OPCML: variants seen among roughly 807,000 people sequenced by gnomAD.
The protein encoded by OPCML is opioid binding protein/cell adhesion molecule like.
Under a neutral mutation model 37.8 loss-of-function variants are expected in OPCML, and 13 were observed. The observed-to-expected ratio is 0.34, with a 90% CI of 0.22 to 0.55. The LOEUF is 0.55. OPCML is among the 20% of genes least tolerant of loss of function. The pLI, the probability that OPCML is intolerant of heterozygous loss-of-function variation, is 0.91. For missense variants in OPCML, 341 were observed against 435.6 expected, an observed-to-expected ratio of 0.78 and a Z score of 1.93; for synonymous variants, 176 against 168.8, an observed-to-expected ratio of 1.04 and a Z score of -0.33.
At chr11:133,510,748 T>C (rs1235342931) in intron 1 of OPCML, among the ~76,000 whole-genome samples, 1 of 152,188 alleles carries the variant, frequency 6.6e-6, no homozygotes, top group Non-Finnish European at 1.5e-5. Context: ...TGCCTCCATG[T>C]AATCATCTCC....
In OPCML at chr11:133,028,138, CTTTTT is replaced by C. The variant is rs1273947562; in HGVS notation, c.62-85133_62-85129del. Among the ~76,000 whole-genome samples, 3 of 152,030 alleles carry C rather than the reference CTTTTT, an allele frequency of 2.0e-5. No individual in the cohort carries two copies. In the East Asian group the frequency reaches 5.8e-4, roughly 29 times the overall value. The stretch of plus-strand genomic sequence containing the variant: ...CAGTAACCTTTATTTTTATTTCTTT[CTTTTT>C]ATTTTCTGCCACTTGTCCCTCTGCA... On this transcript the variant is annotated intron_variant, in intron 1 of 7. Coordinates refer to ENST00000524381, the MANE Select transcript of OPCML (RefSeq NM_001012393.5).
intron 3 of OPCML, among the ~76,000 whole-genome samples, chr11:132,534,973 T>C (rs962066142): frequency 2.0e-5 from 3 of 151,036 alleles, no homozygotes; most frequent in African/African-American, 7.3e-5. Flanking sequence ...TTGGGACTTA[T>C]AAATAAATAA....
intron 1 of OPCML, among the ~76,000 whole-genome samples, chr11:133,337,028 G>C (rs149807123): frequency 9.9e-5 from 15 of 152,270 alleles, no homozygotes; most frequent in Middle Eastern, 6.8e-3. Context: ...ATGCAGAATG[G>C]CCTCACACAG....
At chr11:133,197,486 G>A (rs971209563) in intron 1 of OPCML, among the ~76,000 whole-genome samples, 2 of 152,170 alleles carry the variant, frequency 1.3e-5, no homozygotes, top group African/African-American at 4.8e-5. Flanking sequence ...TGCTAAGCCT[G>A]CTAGTGTGGA....
chr11:133,388,640 G>C (rs1037693143), intron 1 of OPCML, among the ~76,000 whole-genome samples: 2 of 152,206 alleles, frequency 1.3e-5, no homozygotes, highest in African/African-American at 4.8e-5. Flanking sequence ...GTTTCTTCTA[G>C]AGAGAGTATA....
At chr11:132,429,178 C>G (rs978737423) in intron 7 of OPCML, among the ~76,000 whole-genome samples, 3 of 152,108 alleles carry the variant, frequency 2.0e-5, no homozygotes, top group Non-Finnish European at 4.4e-5. Context: ...ACACTTGAAG[C>G]TATAAGGCTA....
chr11:132,622,614 G>A (rs978253771), intron 3 of OPCML, among the ~76,000 whole-genome samples: 2 of 152,108 alleles, frequency 1.3e-5, no homozygotes, highest in Non-Finnish European at 2.9e-5. Flanking sequence ...GGCCAGCCCT[G>A]GAAGTCCAGT....
At chr11:133,125,607 T>C (rs1351573580) in intron 1 of OPCML, among the ~76,000 whole-genome samples, 1 of 147,482 alleles carries the variant, frequency 6.8e-6, no homozygotes, top group Admixed American at 6.9e-5. Context: ...TGTGTATATA[T>C]ACACTATATG....
rs111349629 is a variant in OPCML at position 133,061,159 on chromosome 11, C to T, written c.62-118149G>A. Among the ~76,000 whole-genome samples the T allele has an allele frequency of 5.6e-3, 860 of 152,304 alleles. 19 individuals are homozygous for T. Among genetic ancestry groups the T allele is most frequent in the African/African-American group, 0.02 (833 of 41,552 alleles). On this transcript the variant is annotated intron_variant, in intron 1 of 7. Coordinates refer to ENST00000524381, the MANE Select transcript of OPCML (RefSeq NM_001012393.5). ...AGGATTACAAGAGTGTATCACCACA[C>T]CCAAGAAGAATGACAGTTTTGTTTG...
intron 3 of OPCML, among the ~76,000 whole-genome samples, chr11:132,638,988 C>T (rs1940688903): frequency 6.6e-6 from 1 of 152,174 alleles, no homozygotes; most frequent in African/African-American, 2.4e-5. Context: ...TGTTGGGTGA[C>T]TACAGATACT....
chr11:132,572,502 T>G (rs1203908045), intron 3 of OPCML, among the ~76,000 whole-genome samples: 2 of 152,112 alleles, frequency 1.3e-5, no homozygotes, highest in Non-Finnish European at 2.9e-5. Flanking sequence ...CCTTGATAGA[T>G]AAGAGTGTCC....
At chr11:132,453,247 A>G (rs533383965) in intron 4 of OPCML, among the ~76,000 whole-genome samples, 1 of 152,268 alleles carries the variant, frequency 6.6e-6, no homozygotes, top group African/African-American at 2.4e-5. Flanking sequence ...TTTGGTCTTT[A>G]TGGCTGAGGT....
At chr11:132,722,645 G>A (rs780783070) in intron 2 of OPCML, among the ~76,000 whole-genome samples, 2 of 152,030 alleles carry the variant, frequency 1.3e-5, no homozygotes, top group Non-Finnish European at 2.9e-5. Context: ...GATATGCTTG[G>A]TTTTTATGGT....
intron 1 of OPCML, among the ~76,000 whole-genome samples, chr11:133,001,519 C>A (rs1384534670): frequency 6.6e-6 from 1 of 152,210 alleles, no homozygotes; most frequent in African/African-American, 2.4e-5. Context: ...GAACTATAGC[C>A]ATAGTCCAGG....
intron 4 of OPCML, among the ~76,000 whole-genome samples, chr11:132,440,053 C>T (rs1250869130): frequency 6.6e-6 from 1 of 152,100 alleles, no homozygotes; most frequent in Non-Finnish European, 1.5e-5. Flanking sequence ...TGGGGAGGCC[C>T]GTGTGCATTT....
At chr11:133,371,080 C>G (rs1470139361) in intron 1 of OPCML, among the ~76,000 whole-genome samples, 8 of 152,120 alleles carry the variant, frequency 5.3e-5, no homozygotes, top group Admixed American at 5.2e-4. Flanking sequence ...TGCTCAACAT[C>G]ATTTATCATG....
intron 3 of OPCML, among the ~76,000 whole-genome samples, chr11:132,629,151 A>AGCCCAACCTGGTGCTTCCCT (rs1288301709): frequency 6.6e-6 from 1 of 152,074 alleles, no homozygotes; most frequent in Non-Finnish European, 1.5e-5. Context: ...TCTGCTTCCC[A>AGCCCAACCTGGTGCTTCCCT]GCCCAACCTG....
chr11:132,456,060 T>A (rs1242117506), intron 4 of OPCML, among the ~76,000 whole-genome samples: 1 of 152,202 alleles, frequency 6.6e-6, no homozygotes, highest in Non-Finnish European at 1.5e-5. Flanking sequence ...TGTAGTCTAG[T>A]GCTCACTATC....
chr11:133,121,568 T>C (rs536753463), intron 1 of OPCML, among the ~76,000 whole-genome samples: 1 of 152,260 alleles, frequency 6.6e-6, no homozygotes, highest in South Asian at 2.1e-4. Flanking sequence ...AGGGTCAACA[T>C]GGAGGAGTTA....
Sources: gnomAD v4.1 joint callset for allele counts (sites outside exome capture counted in the v4.1 genomes callset) on GRCh38, gnomAD v4.1.1 for gene constraint, MANE v1.5 for transcripts, NCBI Gene and HGNC (gene_info 2026-07-23, HGNC 2026-07-21) for gene names.